C1orf52: variants seen among roughly 807,000 people sequenced by gnomAD.
C1orf52 encodes the protein UPF0690 protein C1orf52.
C1orf52 carries 5 observed loss-of-function variants against 17.2 expected under a neutral mutation model. The observed-to-expected ratio is 0.29, with a 90% CI of 0.15 to 0.61. C1orf52 has a LOEUF of 0.61. C1orf52 is among the 20% of genes least tolerant of loss of function. The pLI, the probability that C1orf52 is intolerant of heterozygous loss-of-function variation, is 0.85. For synonymous variants in C1orf52, 110 were observed against 88.0 expected (o/e 1.25, Z -1.40); for missense variants, 245 against 234.1 (o/e 1.05, Z -0.30).
At chr1:85,254,334 A>G (rs756896216) in intron 2 of C1orf52, among the ~76,000 whole-genome samples, 2 of 152,202 alleles carry the variant, frequency 1.3e-5, no homozygotes, top group Non-Finnish European at 2.9e-5. Flanking sequence ...TGTTCATACA[A>G]AAACACTGGC....
rs752504598 is a variant in C1orf52 at position 85,259,625 on chromosome 1, C to G, written c.9G>C (p.Ala3=). ...AATAGCTCAGAGGGTCCTTCTCCTC[C>G]GCTGCCATGACGGCTGCGAGCGACA... MA[A]EEKDPLSYFA... Residue 3 remains alanine (A), a synonymous_variant, in exon 1 of 3, where the codon GCG becomes GCC. Coordinates refer to ENST00000471115, the MANE Select transcript of C1orf52 (RefSeq NM_198077.4). 3 of 1,556,002 alleles carry G rather than the reference C, an allele frequency of 1.9e-6. No individual in the cohort carries two copies. The highest frequency in any genetic ancestry group is 2.6e-6 in the Non-Finnish European group (3 of 1,149,282).
Position 85,259,658 on chromosome 1 carries a change from A to T in C1orf52, c.-25T>A, listed in dbSNP as rs760604003. 6.7e-7 allele frequency: 1 copy of T among 1,496,154 alleles called. No homozygotes were observed. Among genetic ancestry groups the T allele is most frequent in the Non-Finnish European group, 8.9e-7 (1 of 1,119,966 alleles). The allele number at this position is 1,496,154 out of a possible 1,614,324, so 92.7% of individuals were successfully genotyped here. A position where few individuals can be genotyped will look rare whatever the true frequency, so the allele number is the denominator to read the frequency against. On this transcript the variant is annotated 5_prime_UTR_variant, in exon 1 of 3. Transcript: ENST00000471115. ...TGACGGCTGCGAGCGACAACCCAGC[A>T]CTCCGCCGGAAGCCGGAAACCGGAA...
Position 85,252,594 on chromosome 1 carries a change from A to G in C1orf52, c.*35T>C. Reference sequence around the variant, plus strand: ...AATCTGTCCAAAGAAACATTTCAACAAGTTTAGCAGTACAGAAATTCTGGT... The same window carrying G: ...AATCTGTCCAAAGAAACATTTCAACGAGTTTAGCAGTACAGAAATTCTGGT... On this transcript the variant is annotated 3_prime_UTR_variant, in exon 3 of 3. Coordinates refer to ENST00000471115, the MANE Select transcript of C1orf52 (RefSeq NM_198077.4). 1 of 1,549,288 alleles carries G rather than the reference A, an allele frequency of 6.5e-7. No homozygotes were observed. The highest frequency in any genetic ancestry group is 1.1e-5 in the South Asian group (1 of 88,884).
chr1:85,259,253 G>A, intron 1 of C1orf52, 105 bp downstream of exon 1: 2 of 1,400,316 alleles, frequency 1.4e-6, no homozygotes, highest in Non-Finnish European at 1.9e-6. Context: ...ATCCCGCGGG[G>A]GTGACTGCGT....
rs1378114898 is a variant in C1orf52, at chr1:85,259,659, CT to C, written c.-27del. On this transcript the variant is annotated 5_prime_UTR_variant, in exon 1 of 3. Transcript: ENST00000471115. Reference sequence around the variant, plus strand: ...GACGGCTGCGAGCGACAACCCAGCACTCCGCCGGAAGCCGGAAACCGGAAAC... The same window carrying C: ...GACGGCTGCGAGCGACAACCCAGCACCCGCCGGAAGCCGGAAACCGGAAAC... 6.7e-7 allele frequency: 1 copy of C among 1,496,624 alleles called. No individual in the cohort carries two copies. The highest frequency in any genetic ancestry group is 2.2e-5 in the Admixed American group (1 of 46,382). The allele number at this position is 1,496,624 out of a possible 1,614,324, so 92.7% of individuals were successfully genotyped here. A position where few individuals can be genotyped will look rare whatever the true frequency, so the allele number is the denominator to read the frequency against.
At chr1:85,258,072 A>G (rs1188960671) in intron 2 of C1orf52, among the ~76,000 whole-genome samples, 4 of 151,872 alleles carry the variant, frequency 2.6e-5, no homozygotes, top group Admixed American at 2.6e-4. Flanking sequence ...GTGAGCTGAG[A>G]TGGCGCCATT....
intron 2 of C1orf52, among the ~76,000 whole-genome samples, chr1:85,253,261 G>C (rs1054770938): frequency 2.0e-5 from 3 of 152,134 alleles, no homozygotes; most frequent in Admixed American, 2.0e-4. Flanking sequence ...TCAATGCTTT[G>C]TAAGAATGGA....
In C1orf52 at chr1:85,251,824, G is replaced by A. The variant is rs1410668744; in HGVS notation, c.*805C>T. On this transcript the variant is annotated 3_prime_UTR_variant, in exon 3 of 3. Coordinates refer to ENST00000471115, the MANE Select transcript of C1orf52 (RefSeq NM_198077.4). The stretch of plus-strand genomic sequence containing the variant: ...TACTAACGGATCTCCAGGTACAACA[G>A]AAAAAAGTACCTGGAAGAGATGACA... 1.3e-5 allele frequency: 2 copies of A among 152,112 alleles called. No individual in the cohort carries two copies. The highest frequency in any genetic ancestry group is 4.8e-5 in the African/African-American group (2 of 41,408). The allele number at this position is 152,112 out of a possible 1,614,324, so 9.4% of individuals were successfully genotyped here.
At chr1:85,252,899 T>C (rs979949462) in intron 2 of C1orf52, among the ~76,000 whole-genome samples, 197 bp from the exon 3 acceptor site, 5 of 152,228 alleles carry the variant, frequency 3.3e-5, no homozygotes, top group Admixed American at 3.3e-4. Context: ...CAATTTTTTT[T>C]TTCAATTGCA....
At position 85,250,368 on chromosome 1, in the gene C1orf52, T is replaced by C. The variant is rs952937285; in HGVS notation, c.*2261A>G. The C allele has an allele frequency of 1.4e-4, 22 of 152,230 alleles. No homozygotes were observed. Among genetic ancestry groups the C allele is most frequent in the Admixed American group, 1.1e-3 (17 of 15,286 alleles). 9.4% of individuals were successfully genotyped at this position (152,230 alleles called of 1,614,324 possible). The stretch of plus-strand genomic sequence containing the variant: ...ATACTTGGACAGATGATTTTTCTTA[T>C]GTATATGGATTTTTAAGACTTTTCC... On this transcript the variant is annotated 3_prime_UTR_variant, in exon 3 of 3. Transcript: ENST00000471115.
chr1:85,257,827 G>C (rs754562735), intron 2 of C1orf52, among the ~76,000 whole-genome samples: 1 of 152,140 alleles, frequency 6.6e-6, no homozygotes, highest in African/African-American at 2.4e-5. Flanking sequence ...GCCTTCGGCC[G>C]GGAGCGGTGG....
intron 2 of C1orf52, among the ~76,000 whole-genome samples, chr1:85,256,228 T>C (rs11161570): frequency 0.53 from 80,720 of 152,096 alleles, 21,695 homozygotes; most frequent in South Asian, 0.61. Context: ...TACTACTCTG[T>C]CTCTTCTTTA....
At chr1:85,257,012 C>T (rs1659961003) in intron 2 of C1orf52, among the ~76,000 whole-genome samples, 1 of 152,168 alleles carries the variant, frequency 6.6e-6, no homozygotes, top group Non-Finnish European at 1.5e-5. Flanking sequence ...TCTCCTTTCT[C>T]TTAAAACAAA....
rs1214816284 is a variant in C1orf52, at chr1:85,250,853, T to C, written c.*1776A>G. The stretch of plus-strand genomic sequence containing the variant: ...GTCTTGCTTTGTCACTTGATGCCAC[T>C]CCTTAGTATATGATACCACAGATTT... On this transcript the variant is annotated 3_prime_UTR_variant, in exon 3 of 3. Coordinates refer to ENST00000471115, the MANE Select transcript of C1orf52 (RefSeq NM_198077.4). 6.6e-6 allele frequency: 1 copy of C among 152,222 alleles called. No individual in the cohort carries two copies. The highest frequency in any genetic ancestry group is 6.5e-5 in the Admixed American group (1 of 15,282). The allele number at this position is 152,222 out of a possible 1,614,324, so 9.4% of individuals were successfully genotyped here. A position where few individuals can be genotyped will look rare whatever the true frequency, so the allele number is the denominator to read the frequency against.
At position 85,252,510 on chromosome 1, in the gene C1orf52, A is replaced by C; in HGVS notation, c.*119T>G. ...GAAAGTTCTTGAGGCAATACTTATT[A>C]GTTCATTAACGTATGCATTTTCATG... is the stretch of plus-strand genomic sequence containing the variant. On this transcript the variant is annotated 3_prime_UTR_variant, in exon 3 of 3. Transcript: ENST00000471115. 1.3e-6 allele frequency: 1 copy of C among 753,182 alleles called. No homozygotes were observed. The highest frequency in any genetic ancestry group is 2.2e-6 in the Non-Finnish European group (1 of 445,598). 46.7% of individuals were successfully genotyped at this position (753,182 alleles called of 1,614,324 possible). A position where few individuals can be genotyped will look rare whatever the true frequency, so the allele number is the denominator to read the frequency against.
Position 85,251,556 on chromosome 1 carries a change from G to T in C1orf52, c.*1073C>A, listed in dbSNP as rs1659803936. ...CTATACGCAAAGCATTAAAATAGAA[G>T]CTGGGTAGAGAAAACATGTAGAAGT... On this transcript the variant is annotated 3_prime_UTR_variant, in exon 3 of 3. Coordinates refer to ENST00000471115, the MANE Select transcript of C1orf52 (RefSeq NM_198077.4). 1 of 152,146 alleles carries T rather than the reference G, an allele frequency of 6.6e-6. No individual in the cohort carries two copies. The highest frequency in any genetic ancestry group is 2.4e-5 in the African/African-American group (1 of 41,412). The allele number at this position is 152,146 out of a possible 1,614,324, so 9.4% of individuals were successfully genotyped here. A position where few individuals can be genotyped will look rare whatever the true frequency, so the allele number is the denominator to read the frequency against.
rs745941588 is a variant in C1orf52, at chr1:85,258,819, GCTGA to G, written c.277-101_277-98del. 1.2e-4 allele frequency: 172 copies of G among 1,412,946 alleles called. 2 individuals carry two copies. The highest frequency in any genetic ancestry group is 9.7e-4 in the African/African-American group (67 of 69,036). 87.5% of individuals were successfully genotyped at this position (1,412,946 alleles called of 1,614,324 possible). ...TCCCTGCCGTTCGCTTATCGTTCAG[GCTGA>G]CTTTTTTTTTCTTTAAGGTTGAAAG... is the stretch of plus-strand genomic sequence containing the variant. On this transcript the variant is annotated intron_variant, in intron 1 of 2. Coordinates refer to ENST00000471115, the MANE Select transcript of C1orf52 (RefSeq NM_198077.4).
Position 85,250,430 on chromosome 1 carries a change from C to T in C1orf52, c.*2199G>A. On this transcript the variant is annotated 3_prime_UTR_variant, in exon 3 of 3. Coordinates refer to ENST00000471115, the MANE Select transcript of C1orf52 (RefSeq NM_198077.4). ...CCACTAGCTCAACCAAACTTCACCT[C>T]AGTACCCACATGGACACTTGTGCAA... 1 of 152,232 alleles carries T rather than the reference C, an allele frequency of 6.6e-6. No homozygotes were observed. Among genetic ancestry groups the T allele is most frequent in the East Asian group, 1.9e-4 (1 of 5,192 alleles). 9.4% of individuals were successfully genotyped at this position (152,232 alleles called of 1,614,324 possible). A position where few individuals can be genotyped will look rare whatever the true frequency, so the allele number is the denominator to read the frequency against.
intron 1 of C1orf52, 119 bp downstream of exon 1, chr1:85,259,239 C>G: frequency 7.9e-7 from 1 of 1,263,112 alleles, no homozygotes; most frequent in Non-Finnish European, 1.1e-6. Flanking sequence ...GGGGGTGGTG[C>G]GGCATCCCGC....
Sources: allele counts gnomAD v4.1 joint callset (sites outside exome capture counted in the v4.1 genomes callset), GRCh38; gene constraint gnomAD v4.1.1; transcripts MANE v1.5; gene names NCBI Gene and HGNC (gene_info 2026-07-23, HGNC 2026-07-21).